Variants in DMD observed in about 807,000 individuals in gnomAD.
The protein encoded by DMD is dystrophin, also known as mutant dystrophin.
A neutral mutation model predicts 330.1 loss-of-function variants in DMD; 63 were observed. The observed-to-expected ratio is 0.19, with a 90% CI of 0.16 to 0.24. The LOEUF is 0.24. Among genes scored for constraint, DMD ranks in the 10% least tolerant of loss-of-function variants. The pLI is 1.00. For synonymous variants in DMD, 1,223 were observed against 959.8 expected, an observed-to-expected ratio of 1.27 and a Z score of -5.07; for missense variants, 3,344 against 2,684.1, an observed-to-expected ratio of 1.25 and a Z score of -5.43.
At chrX:33,202,657 A>G (rs1387429527) in intron 1 of DMD, among the ~76,000 whole-genome samples, 1 of 112,026 alleles carries the variant, frequency 8.9e-6, no homozygotes, top group Non-Finnish European at 1.9e-5. Flanking sequence ...TCTAATTCAC[A>G]TCTCTGTATG....
chrX:31,350,007 A>G (rs1432232725), intron 60 of DMD, among the ~76,000 whole-genome samples: 1 of 111,491 alleles, frequency 9.0e-6, no homozygotes, highest in African/African-American at 3.3e-5. Context: ...CTCTCTCCCT[A>G]GACTTGCCCA....
chrX:32,592,409 C>T (rs2055023573), intron 13 of DMD, among the ~76,000 whole-genome samples: 1 of 111,270 alleles, frequency 9.0e-6, no homozygotes, highest in African/African-American at 3.3e-5. Flanking sequence ...TACTTTGTGT[C>T]TCCTTGACTC....
intron 2 of DMD, among the ~76,000 whole-genome samples, chrX:32,853,875 G>A (rs1369473891): frequency 9.2e-6 from 1 of 108,868 alleles, no homozygotes; most frequent in African/African-American, 3.3e-5. Flanking sequence ...TTAAAATTAA[G>A]GGATGTAAAA....
At chrX:31,640,604 T>C (rs983136305) in intron 54 of DMD, among the ~76,000 whole-genome samples, 4 of 112,443 alleles carry the variant, frequency 3.6e-5, no homozygotes, top group Admixed American at 2.8e-4. Context: ...TTGCAACTAA[T>C]AGATAGGGAC....
At chrX:32,587,024 A>G (rs2054365186) in intron 13 of DMD, among the ~76,000 whole-genome samples, 1 of 111,553 alleles carries the variant, frequency 9.0e-6, no homozygotes, top group Non-Finnish European at 1.9e-5. Context: ...AAACATCAAA[A>G]TGTTTCAACC....
intron 41 of DMD, among the ~76,000 whole-genome samples, chrX:32,311,242 A>G (rs1477955894): frequency 9.0e-6 from 1 of 111,076 alleles, no homozygotes; most frequent in African/African-American, 3.3e-5. Flanking sequence ...TGAGGGTTTC[A>G]GTGGTAGGGT....
At chrX:32,403,982 C>T (rs1055930492) in intron 30 of DMD, among the ~76,000 whole-genome samples, 1 of 111,838 alleles carries the variant, frequency 8.9e-6, no homozygotes, top group African/African-American at 3.2e-5. Flanking sequence ...CCTATTTACA[C>T]TATAAGAGTC....
intron 2 of DMD, among the ~76,000 whole-genome samples, chrX:32,897,449 ATT>A (rs774721404): frequency 5.9e-4 from 66 of 111,702 alleles, no homozygotes; most frequent in Middle Eastern, 4.6e-3. Flanking sequence ...AGAGTCTTTC[ATT>A]TAAAAACCTC....
intron 13 of DMD, among the ~76,000 whole-genome samples, chrX:32,580,593 A>G (rs950206909): frequency 1.8e-5 from 2 of 111,759 alleles, no homozygotes; most frequent in African/African-American, 3.3e-5. Context: ...GATGCTTGTG[A>G]TAGTAAGGAT....
intron 47 of DMD, among the ~76,000 whole-genome samples, chrX:31,907,208 A>T (rs1437435850): frequency 2.7e-5 from 3 of 111,488 alleles, no homozygotes; most frequent in East Asian, 5.7e-4. Flanking sequence ...GGGTGAGAAG[A>T]AGTGAAATAG....
At chrX:32,658,692 T>C (rs142943394) in intron 9 of DMD, among the ~76,000 whole-genome samples, 2,153 of 110,841 alleles carry the variant, frequency 0.019, 72 homozygotes, top group African/African-American at 0.066. Flanking sequence ...CCCACTCTAT[T>C]GCATGTCCAA....
At chrX:32,899,346 T>G (rs1173753028) in intron 2 of DMD, among the ~76,000 whole-genome samples, 2 of 111,490 alleles carry the variant, frequency 1.8e-5, no homozygotes, top group African/African-American at 3.3e-5. Context: ...TGAGTTCCTG[T>G]TTTTAATTTA....
chrX:32,835,246 A>C (rs1242740075), intron 4 of DMD, among the ~76,000 whole-genome samples: 1 of 112,018 alleles, frequency 8.9e-6, no homozygotes, highest in Admixed American at 9.5e-5. Flanking sequence ...GACAGGGCAA[A>C]GAAATAATAG....
At chrX:31,255,057 A>C (rs1200262455) in intron 63 of DMD, among the ~76,000 whole-genome samples, 2 of 108,786 alleles carry the variant, frequency 1.8e-5, no homozygotes, top group African/African-American at 6.7e-5. Flanking sequence ...AAAAAAAAAA[A>C]AACCCCAATA....
intron 49 of DMD, among the ~76,000 whole-genome samples, chrX:31,836,199 A>C (rs911091279): frequency 8.9e-6 from 1 of 112,350 alleles, no homozygotes; most frequent in Non-Finnish European, 1.9e-5. Context: ...CAAAGAAATA[A>C]GCAATTACAT....
intron 34 of DMD, among the ~76,000 whole-genome samples, chrX:32,379,195 C>A (rs1276977123): frequency 3.7e-5 from 4 of 109,166 alleles, no homozygotes; most frequent in African/African-American, 6.6e-5. Context: ...AAAATAAATG[C>A]CAGTTTTCTA....
intron 60 of DMD, among the ~76,000 whole-genome samples, chrX:31,421,858 A>ACTCTCT (rs56157177): frequency 2.6e-5 from 2 of 77,334 alleles, no homozygotes; most frequent in African/African-American, 9.5e-5. Flanking sequence ...CTCCCTGCTT[A>ACTCTCT]CTCTCTCTCT....
intron 57 of DMD, among the ~76,000 whole-genome samples, chrX:31,491,977 G>A (rs1235781766): frequency 1.8e-5 from 2 of 111,678 alleles, no homozygotes; most frequent in African/African-American, 6.5e-5. Flanking sequence ...CATTTTAATG[G>A]GATTTGTATC....
chrX:32,313,378 A>G (rs1057289950), intron 41 of DMD, among the ~76,000 whole-genome samples: 10 of 111,438 alleles, frequency 9.0e-5, no homozygotes, highest in African/African-American at 3.3e-4. Context: ...CACTCAATAA[A>G]CTAGTTATTG....
Sources: gnomAD v4.1 joint callset for allele counts (sites outside exome capture counted in the v4.1 genomes callset) on GRCh38, gnomAD v4.1.1 for gene constraint, MANE v1.5 for transcripts, NCBI Gene and HGNC (gene_info 2026-07-23, HGNC 2026-07-21) for gene names.